FAM53A: variants seen among roughly 807,000 people sequenced by gnomAD.
FAM53A encodes family with sequence similarity 53 member A.
FAM53A carries 28 observed loss-of-function variants against 26.6 expected under a neutral mutation model. That is an observed-to-expected ratio of 1.05 (90% CI 0.78 to 1.45). FAM53A has a LOEUF of 1.45. FAM53A is among the 40% of genes most tolerant of loss of function. The pLI, the probability that FAM53A is intolerant of heterozygous loss-of-function variation, is 0.00. For synonymous variants in FAM53A, 290 were observed against 253.1 expected, an observed-to-expected ratio of 1.15 and a Z score of -1.38; for missense variants, 650 against 575.8, an observed-to-expected ratio of 1.13 and a Z score of -1.32.
chr4:1,585,832 C>G, the FAM53A span, among the ~76,000 whole-genome samples: 1 of 152,126 alleles, frequency 6.6e-6, no homozygotes. Flanking sequence ...TCAGGTGATC[C>G]TCCCACCTTG....
At chr4:1,612,223 A>T in the FAM53A span, among the ~76,000 whole-genome samples, 2 of 152,208 alleles carry the variant, frequency 1.3e-5, no homozygotes, top group Non-Finnish European at 2.9e-5. Flanking sequence ...TTTTATACTG[A>T]ACCATAAACA....
intron 1 of FAM53A, among the ~76,000 whole-genome samples, chr4:1,622,096 C>T (rs181259788): frequency 6.0e-4 from 91 of 152,324 alleles, no homozygotes; most frequent in African/African-American, 1.8e-3. Context: ...CCTCCAGATG[C>T]GGCTGCGCAA....
At chr4:1,615,103 C>A (rs1714758066), downstream of FAM53A, among the ~76,000 whole-genome samples, 1 of 150,262 alleles carries the variant, frequency 6.7e-6, no homozygotes, top group African/African-American at 2.5e-5. Flanking sequence ...GCCCACCTCA[C>A]CTGGGGACAC....
At chr4:1,602,821 G>T in the FAM53A span, among the ~76,000 whole-genome samples, 1 of 152,128 alleles carries the variant, frequency 6.6e-6, no homozygotes, top group African/African-American at 2.4e-5. Context: ...CCCAGGAGGG[G>T]TCTGAGGGCA....
At chr4:1,629,894 G>C (rs979442997) in intron 1 of FAM53A, among the ~76,000 whole-genome samples, 6 of 152,126 alleles carry the variant, frequency 3.9e-5, no homozygotes, top group Non-Finnish European at 8.8e-5. Context: ...CCTCGCTGGG[G>C]ACAGCCTGGG....
At chr4:1,575,710 G>T in the FAM53A span, among the ~76,000 whole-genome samples, 1 of 152,132 alleles carries the variant, frequency 6.6e-6, no homozygotes, top group Non-Finnish European at 1.5e-5. Flanking sequence ...GGCACCCCTG[G>T]GGTCCTAAAC....
intron 2 of FAM53A, among the ~76,000 whole-genome samples, chr4:1,661,043 C>A (rs1713797461): frequency 6.6e-6 from 1 of 152,078 alleles, no homozygotes; most frequent in Non-Finnish European, 1.5e-5. Flanking sequence ...CGCCTACAGC[C>A]CCCAGCACAG....
chr4:1,618,585 G>A (rs535132262), intron 1 of FAM53A, among the ~76,000 whole-genome samples: 248 of 152,318 alleles, frequency 1.6e-3, no homozygotes, highest in Middle Eastern at 0.014. Context: ...GAAGGAAGAC[G>A]GGAGGGGAGG....
chr4:1,612,831 G>T, the FAM53A span, among the ~76,000 whole-genome samples: 1 of 152,156 alleles, frequency 6.6e-6, no homozygotes, highest in Non-Finnish European at 1.5e-5. Context: ...TCTCGGGCAC[G>T]TGATCACACA....
At chr4:1,590,954 G>GCATATATACATATA in the FAM53A span, among the ~76,000 whole-genome samples, 5 of 23,660 alleles carry the variant, frequency 2.1e-4, no homozygotes, top group East Asian at 1.1e-3. Context: ...ATTATTTAAT[G>GCATATATACATATA]CATATATATA....
chr4:1,623,595 T>C lies in FAM53A; in HGVS notation c.432-5484A>G, dbSNP rs117683605. Among the ~76,000 whole-genome samples, 303 of 152,304 alleles carry C rather than the reference T, an allele frequency of 2.0e-3. 8 individuals carry two copies. In the East Asian group the frequency reaches 0.053, roughly 26 times the overall value. On this transcript the variant is annotated intron_variant, in intron 1 of 1. Coordinates refer to the FAM53A transcript ENST00000489029. ...GGTGGGTGGCGGCTGCACGGTGACC[T>C]TGCGGTAACCCAAGTGCCATCCGTC...
chr4:1,658,642 G>A (rs1713595446), intron 2 of FAM53A, among the ~76,000 whole-genome samples: 1 of 152,252 alleles, frequency 6.6e-6, no homozygotes, highest in South Asian at 2.1e-4. Context: ...GGGCACTAAG[G>A]GAAATGCCAC....
intron 1 of FAM53A, among the ~76,000 whole-genome samples, chr4:1,672,024 C>CACCCAGGAACCCATGAACCCAGAT (rs150406305): frequency 0.29 from 42,963 of 149,468 alleles, 6,813 homozygotes; most frequent in Middle Eastern, 0.44. Context: ...TGAACACAGG[C>CACCCAGGAACCCATGAACCCAGAT]ACCCAGGAAC....
downstream of FAM53A, among the ~76,000 whole-genome samples, chr4:1,637,139 C>T (rs1006061149): frequency 6.0e-5 from 9 of 149,800 alleles, no homozygotes; most frequent in Non-Finnish European, 1.0e-4. Context: ...CAGGGAGGTC[C>T]GGGGCTCTCA....
chr4:1,675,385 T>TC (rs1714973401), intron 1 of FAM53A, among the ~76,000 whole-genome samples: 1 of 151,934 alleles, frequency 6.6e-6, no homozygotes, highest in South Asian at 2.1e-4. Context: ...CAGGAAGTGG[T>TC]CCCTCCCAAG....
At chr4:1,615,864 G>C (rs1051216817), downstream of FAM53A, among the ~76,000 whole-genome samples, 7 of 152,266 alleles carry the variant, frequency 4.6e-5, no homozygotes, top group African/African-American at 1.7e-4. Context: ...CCGCCATGCA[G>C]CAAAGACAGA....
At chr4:1,619,620 C>T (rs1450261592) in intron 1 of FAM53A, among the ~76,000 whole-genome samples, 4 of 152,208 alleles carry the variant, frequency 2.6e-5, no homozygotes, top group Non-Finnish European at 5.9e-5. Flanking sequence ...CCCGGCCTCC[C>T]GTGACCACCC....
chr4:1,602,512 A>C, the FAM53A span, among the ~76,000 whole-genome samples: 1 of 152,248 alleles, frequency 6.6e-6, no homozygotes, highest in African/African-American at 2.4e-5. Flanking sequence ...GTGACCCGAG[A>C]GATATCTGAG....
Position 1,655,413 on chromosome 4 carries a change from G to A in FAM53A, c.447C>T (p.Ser149=), listed in dbSNP as rs1441881798. The change falls in exon 4 of 5, where the codon TCC becomes TCT. Residue 149 remains serine (S), a synonymous_variant. Coordinates refer to ENST00000308132, the MANE Select transcript of FAM53A (RefSeq NM_001174070.3). ...TCCCGCCGCTGTCGCACCGCCTCTT[G>A]GAGACTGGAGTCCAGACCTTGGAGC... ...PGSSKVWTPV[S]KRRCDSGGSA... is the part of the protein sequence containing the mutation. The A allele has an allele frequency of 2.0e-6, 3 of 1,486,094 alleles. No homozygotes were observed. The highest frequency in any genetic ancestry group is 1.4e-5 in the African/African-American group (1 of 69,322). The allele number at this position is 1,486,094 out of a possible 1,614,324, so 92.1% of individuals were successfully genotyped here. A position where few individuals can be genotyped will look rare whatever the true frequency, so the allele number is the denominator to read the frequency against.
Sources: gnomAD v4.1 joint callset for allele counts (sites outside exome capture counted in the v4.1 genomes callset) on GRCh38, gnomAD v4.1.1 for gene constraint, MANE v1.5 for transcripts, NCBI Gene and HGNC (gene_info 2026-07-23, HGNC 2026-07-21) for gene names.